MEX3C: variants seen among roughly 807,000 people sequenced by gnomAD.
MEX3C encodes RNA-binding E3 ubiquitin-protein ligase MEX3C.
In MEX3C, 15 loss-of-function variants were observed where a neutral mutation model predicts 35.5. The observed-to-expected ratio is 0.42, with a 90% CI of 0.28 to 0.65. The LOEUF (loss-of-function observed/expected upper bound fraction) is 0.65. Among genes scored for constraint, MEX3C ranks in the 30% least tolerant of loss-of-function variants. The probability of loss-of-function intolerance (pLI) is 0.20; values close to 1 mark genes in which losing one functional copy is unlikely to be tolerated. For synonymous variants in MEX3C, 390 were observed against 352.8 expected, an observed-to-expected ratio of 1.11 and a Z score of -1.18; for missense variants, 711 against 842.8, an observed-to-expected ratio of 0.84 and a Z score of 1.94.
At position 51,176,938 on chromosome 18, in the gene MEX3C, C is replaced by A. The variant is rs1177322024; in HGVS notation, c.1393G>T (p.Ala465Ser). The stretch of plus-strand genomic sequence containing the variant: ...AATGGGCTTGTTGGACTAAAGTCAG[C>A]CAGCCTATTGCTTCCAAAGTAGGAA... ...TDSYFGSNRLADFSPTSPFST... is the reference protein window; with the variant it reads ...TDSYFGSNRLSDFSPTSPFST... Residue 465 changes from alanine to serine, a missense_variant, in exon 2 of 2, where the codon GCT becomes TCT. Physicochemically the swap from Ala to Ser is moderately conservative, Grantham distance 99 (BLOSUM62 1). Transcript: ENST00000406189. The A allele has an allele frequency of 1.2e-6, 2 of 1,614,016 alleles. No homozygotes were observed. The highest frequency in any genetic ancestry group is 4.5e-5 in the East Asian group (2 of 44,886).
At chr18:51,181,960 T>G (rs879515903) in intron 1 of MEX3C, among the ~76,000 whole-genome samples, 1 of 152,228 alleles carries the variant, frequency 6.6e-6, no homozygotes, top group Non-Finnish European at 1.5e-5. Flanking sequence ...TGATATTATT[T>G]TAAATTACAG....
chr18:51,196,384 G>C, intron 1 of MEX3C, 183 bp downstream of exon 1: 1 of 1,323,116 alleles, frequency 7.6e-7, no homozygotes. Flanking sequence ...GGGCGGAAAA[G>C]CGTGGGTTTT....
Position 51,177,690 on chromosome 18 carries a change from G to C in MEX3C, c.755-114C>G. 1 of 1,247,446 alleles carries C rather than the reference G, an allele frequency of 8.0e-7. No homozygotes were observed. The highest frequency in any genetic ancestry group is 2.6e-5 in the Admixed American group (1 of 38,708). 77.3% of individuals were successfully genotyped at this position (1,247,446 alleles called of 1,614,324 possible). A position where few individuals can be genotyped will look rare whatever the true frequency, so the allele number is the denominator to read the frequency against. ...ATATCTGGTTATGGGTTAAGTTTTA[G>C]AGTTTTTCACATAGCTAGGAAGTGG... On this transcript the variant is annotated intron_variant, in intron 1 of 1. Coordinates refer to ENST00000406189, the MANE Select transcript of MEX3C (RefSeq NM_016626.5). The surrounding 1 kb of genome is among the most constrained non-coding windows in gnomAD (Gnocchi z 4.2).
In MEX3C at chr18:51,177,028, G is replaced by C. The variant is rs551240286; in HGVS notation, c.1303C>G (p.Arg435Gly). The change falls in exon 2 of 2, where the codon CGC becomes GGC. Residue 435 changes from arginine (R) to glycine (G), a missense_variant. Around this residue, in one of 4 missense-constraint regions of MEX3C, gnomAD observed 187 missense variants for 201.7 expected, o/e 0.93. Coordinates refer to ENST00000406189, the MANE Select transcript of MEX3C (RefSeq NM_016626.5). This position sits in a 1 kb window ranked among gnomAD's most constrained non-coding sequence, Gnocchi z 4.2. ...CGATAATTGGATATCATTCTTGCGCGGCTAGGAGGAACAGGATTGGAGGAG... is the reference window on the plus strand; with the variant it reads ...CGATAATTGGATATCATTCTTGCGCCGCTAGGAGGAACAGGATTGGAGGAG... ...WLSSNPVPPS[R>G]ARMISNYRND... 2.5e-6 allele frequency: 4 copies of C among 1,613,838 alleles called. No individual in the cohort carries two copies. Among genetic ancestry groups the C allele is most frequent in the Non-Finnish European group, 3.4e-6 (4 of 1,179,904 alleles).
rs1359135575 is a variant in MEX3C, at chr18:51,175,221, C to T, written c.*1130G>A. On this transcript the variant is annotated 3_prime_UTR_variant, in exon 2 of 2. Coordinates refer to ENST00000406189, the MANE Select transcript of MEX3C (RefSeq NM_016626.5). ...TCAAAAAATAATTAGTAGAAAAACC[C>T]ACTAGTATAATGTTTTGTCCTTTCA... 6.6e-6 allele frequency: 1 copy of T among 152,338 alleles called. No homozygotes were observed. The highest frequency in any genetic ancestry group is 1.9e-4 in the East Asian group (1 of 5,190). The allele number at this position is 152,338 out of a possible 1,614,324, so 9.4% of individuals were successfully genotyped here.
chr18:51,180,772 C>T (rs984257432), intron 1 of MEX3C, among the ~76,000 whole-genome samples: 33 of 152,158 alleles, frequency 2.2e-4, no homozygotes, highest in African/African-American at 8.0e-4. Context: ...CGTGAGCCAT[C>T]GTGCCTGGCC....
chr18:51,187,287 C>A (rs371574724), intron 1 of MEX3C, among the ~76,000 whole-genome samples: 1 of 152,082 alleles, frequency 6.6e-6, no homozygotes, highest in Non-Finnish European at 1.5e-5. Flanking sequence ...AAAGGCTCCA[C>A]GAACTTAAGA....
In MEX3C at chr18:51,177,243, G is replaced by A. The variant is rs1175092893; in HGVS notation, c.1088C>T (p.Pro363Leu). ...AAAGACAGGTTCCTTATCTCTGCTC[G>A]GAGTTACTATGTAGGTGTGGGTCTG... Reference protein sequence around the residue: ...QQQTHTYIVTPSRDKEPVFEV... With the variant: ...QQQTHTYIVTLSRDKEPVFEV... The change falls in exon 2 of 2, where the codon CCG becomes CTG. Residue 363 changes from proline (P) to leucine (L), a missense_variant. By Grantham distance (98) the Pro-to-Leu change is moderately conservative. Transcript: ENST00000406189. The surrounding 1 kb of genome is among the most constrained non-coding windows in gnomAD (Gnocchi z 4.2). 1.2e-6 allele frequency: 2 copies of A among 1,613,770 alleles called. No homozygotes were observed. The highest frequency in any genetic ancestry group is 1.3e-5 in the African/African-American group (1 of 74,892).
chr18:51,182,137 TTTA>T, intron 1 of MEX3C, among the ~76,000 whole-genome samples: 1 of 152,330 alleles, frequency 6.6e-6, no homozygotes, highest in South Asian at 2.1e-4. Context: ...AGTCTTCTAT[TTTA>T]TTATTGTTAA....
chr18:51,185,264 C>T (rs953844725), intron 1 of MEX3C, among the ~76,000 whole-genome samples: 3 of 152,218 alleles, frequency 2.0e-5, no homozygotes. Context: ...AGCTGAGGGT[C>T]ATTCCCAGCT....
Position 51,177,993 on chromosome 18 carries a change from G to A in MEX3C, c.755-417C>T, listed in dbSNP as rs1912340552. 6.6e-6 allele frequency among the ~76,000 whole-genome samples: 1 copy of A among 152,174 alleles called. No individual in the cohort carries two copies. Among genetic ancestry groups the A allele is most frequent in the Non-Finnish European group, 1.5e-5 (1 of 68,028 alleles). On this transcript the variant is annotated intron_variant, in intron 1 of 1. Coordinates refer to ENST00000406189, the MANE Select transcript of MEX3C (RefSeq NM_016626.5). This position sits in a 1 kb window ranked among gnomAD's most constrained non-coding sequence, Gnocchi z 4.2. ...TTTATTCCCATGTTGTTTGTGGTAG[G>A]TGTACTCACGCTAGTAACTAAATTA...
chr18:51,182,735 G>T (rs963575204), intron 1 of MEX3C, among the ~76,000 whole-genome samples: 3 of 152,128 alleles, frequency 2.0e-5, no homozygotes, highest in Non-Finnish European at 2.9e-5. Context: ...GTCCTCTGCC[G>T]CTGGGAAAGG....
intron 1 of MEX3C, among the ~76,000 whole-genome samples, chr18:51,191,611 A>T (rs995387136): frequency 1.3e-5 from 2 of 152,212 alleles, no homozygotes; most frequent in Non-Finnish European, 2.9e-5. Context: ...CTATCTGCTA[A>T]AGCCAAAAAA....
chr18:51,176,354 A>G lies in MEX3C; in HGVS notation c.1977T>C (p.Ser659=), dbSNP rs1214154959. 6 of 1,611,636 alleles carry G rather than the reference A, an allele frequency of 3.7e-6. No homozygotes were observed. Among genetic ancestry groups the G allele is most frequent in the Admixed American group, 1.7e-5 (1 of 59,802 alleles). The change falls in exon 2 of 2, where the codon TCT becomes TCC. Residue 659 remains serine (S), a synonymous_variant. Transcript: ENST00000406189. ...TAVTQAIQIH[S] ...GTATTTATGTATATATATATAGTTA[A>G]GAGTGAATTTGGATTGCCTGAGTAA...
intron 1 of MEX3C, among the ~76,000 whole-genome samples, chr18:51,181,721 T>C (rs1427176854): frequency 6.6e-6 from 1 of 152,220 alleles, no homozygotes; most frequent in African/African-American, 2.4e-5. Context: ...AGCTATATAA[T>C]GGAATGCTAT....
Position 51,176,347 on chromosome 18 carries a change from A to G in MEX3C, c.*4T>C. The G allele has an allele frequency of 1.9e-6, 3 of 1,608,098 alleles. No individual in the cohort carries two copies. In the South Asian group the frequency reaches 3.3e-5, roughly 18 times the overall value. On this transcript the variant is annotated 3_prime_UTR_variant, in exon 2 of 2. Transcript: ENST00000406189. ...AGATATAGTATTTATGTATATATATATAGTTAAGAGTGAATTTGGATTGCC... is the reference window on the plus strand; with the variant it reads ...AGATATAGTATTTATGTATATATATGTAGTTAAGAGTGAATTTGGATTGCC...
Position 51,176,883 on chromosome 18 carries a change from G to GT in MEX3C, c.1447dup (p.Thr483AsnfsTer13). 1 of 1,614,044 alleles carries GT rather than the reference G, an allele frequency of 6.2e-7. No individual in the cohort carries two copies. The highest frequency in any genetic ancestry group is 8.5e-7 in the Non-Finnish European group (1 of 1,179,900). ...GTCTTCTGAGCCTACAGATGGTAGT[G>GT]TATCTCCAAACCAGAAGTTTCCTGT... is the stretch of plus-strand genomic sequence containing the variant. On this transcript the variant is annotated frameshift_variant, in exon 2 of 2. Transcript: ENST00000406189. LOFTEE classifies it high-confidence loss of function.
In MEX3C at chr18:51,177,061, C is replaced by T; in HGVS notation, c.1270G>A (p.Ala424Thr). 1 of 1,613,956 alleles carries T rather than the reference C, an allele frequency of 6.2e-7. No individual in the cohort carries two copies. The highest frequency in any genetic ancestry group is 8.5e-7 in the Non-Finnish European group (1 of 1,179,872). ...VSFEGGTLGS[A>T]WLSSNPVPPS... ...GGAACAGGATTGGAGGAGAGCCACG[C>T]AGAGCCAAGAGTGCCACCTTCAAAG... The change falls in exon 2 of 2, where the codon GCG becomes ACG. Residue 424 changes from alanine to threonine, a missense_variant. Ala to Thr is a moderately conservative substitution (Grantham distance 58). Around this residue, in one of 4 missense-constraint regions of MEX3C, gnomAD observed 187 missense variants for 201.7 expected, o/e 0.93. Coordinates refer to ENST00000406189, the MANE Select transcript of MEX3C (RefSeq NM_016626.5). The surrounding 1 kb of genome is among the most constrained non-coding windows in gnomAD (Gnocchi z 4.2).
rs1175275306 is a variant in MEX3C at position 51,175,605 on chromosome 18, A to G, written c.*746T>C. The G allele has an allele frequency of 6.5e-6, 1 of 152,672 alleles. No homozygotes were observed. The highest frequency in any genetic ancestry group is 1.9e-4 in the East Asian group (1 of 5,202). 9.5% of individuals were successfully genotyped at this position (152,672 alleles called of 1,614,324 possible). The stretch of plus-strand genomic sequence containing the variant: ...TCAATTATCAGCCAATATAGGTGCC[A>G]TCCCAAAGCCCTTCCTGATATGGGA... On this transcript the variant is annotated 3_prime_UTR_variant, in exon 2 of 2. Coordinates refer to ENST00000406189, the MANE Select transcript of MEX3C (RefSeq NM_016626.5).
Sources: allele counts gnomAD v4.1 joint callset (sites outside exome capture counted in the v4.1 genomes callset), GRCh38; gene constraint gnomAD v4.1.1; regional missense constraint gnomAD v4.1.1; non-coding constraint Gnocchi (gnomAD v3.1); transcripts MANE v1.5; gene names NCBI Gene and HGNC (gene_info 2026-07-23, HGNC 2026-07-21).